Variants in ITIH6 observed in about 807,000 individuals in gnomAD.
ITIH6 encodes inter-alpha-trypsin inhibitor heavy chain H6.
Under a neutral mutation model 58.2 loss-of-function variants are expected in ITIH6, and 60 were observed. The observed-to-expected ratio is 1.03, with a 90% CI of 0.84 to 1.28. The LOEUF is 1.28. ITIH6 is among the 50% of genes most tolerant of loss of function. The probability of loss-of-function intolerance (pLI) is 0.00; values close to 1 mark genes in which losing one functional copy is unlikely to be tolerated. For synonymous variants in ITIH6, 493 were observed against 417.4 expected (o/e 1.18, Z -2.21); for missense variants, 1,290 against 1,021.1 (o/e 1.26, Z -3.59).
Position 54,774,094 on chromosome X carries a change from G to A in ITIH6, c.890C>T (p.Thr297Ile), listed in dbSNP as rs1485202293. The change falls in exon 6 of 13, where the codon ACC (threonine) becomes ATC (isoleucine). Residue 297 changes from threonine (T) to isoleucine (I), a missense_variant. Coordinates refer to ENST00000218436, the MANE Select transcript of ITIH6 (RefSeq NM_198510.3). ...GATCCTTGTTACCTGTTCCATCTTG[G>A]TACCAAACATGGAGCTGCTTACGTC... ...VIDVSSSMFGTKMEQTKTAMN... is the reference protein window; with the variant it reads ...VIDVSSSMFGIKMEQTKTAMN... 8.6e-7 allele frequency: 1 copy of A among 1,165,000 alleles called. No individual in the cohort carries two copies. The highest frequency in any genetic ancestry group is 1.2e-6 in the Non-Finnish European group (1 of 863,483).
Position 54,756,911 on chromosome X carries a change from A to G in ITIH6, c.3109+54T>C, listed in dbSNP as rs192455759. Reference sequence around the variant, plus strand: ...GCCTTGTAGATTCCCAGCTCCTGGTACTGTCCATTCATACCTCACCCTCAT... The same window carrying G: ...GCCTTGTAGATTCCCAGCTCCTGGTGCTGTCCATTCATACCTCACCCTCAT... On this transcript the variant is annotated intron_variant, in intron 8 of 12. Transcript: ENST00000218436. 17 of 761,308 alleles carry G rather than the reference A, an allele frequency of 2.2e-5. No individual in the cohort carries two copies. In the East Asian group the frequency reaches 4.7e-4, roughly 21 times the overall value. The allele number at this position is 761,308 out of a possible 1,213,427, so 62.7% of individuals were successfully genotyped here. A position where few individuals can be genotyped will look rare whatever the true frequency, so the allele number is the denominator to read the frequency against.
At chrX:54,770,123 G>A (rs1468473802) in intron 6 of ITIH6, among the ~76,000 whole-genome samples, 1 of 112,444 alleles carries the variant, frequency 8.9e-6, no homozygotes. Flanking sequence ...CAATATTCGG[G>A]TGGGAGTGAC....
chrX:54,795,646 C>CT (rs754836808), intron 2 of ITIH6, among the ~76,000 whole-genome samples: 14 of 111,658 alleles, frequency 1.3e-4, no homozygotes, highest in Non-Finnish European at 2.4e-4. Flanking sequence ...GCCTTTATTC[C>CT]TTTTTCCTGG....
rs186777937 is a variant in ITIH6, at chrX:54,785,332, C to G, written c.786+3148G>C. Among the ~76,000 whole-genome samples, 8 of 110,917 alleles carry G rather than the reference C, an allele frequency of 7.2e-5. No individual in the cohort carries two copies. The East Asian group carries it at 2.3e-3, about 31-fold the overall frequency. On this transcript the variant is annotated intron_variant, in intron 5 of 12. Coordinates refer to ENST00000218436, the MANE Select transcript of ITIH6 (RefSeq NM_198510.3). The stretch of plus-strand genomic sequence containing the variant: ...GACAGGGTGACTATAGTCAATAATA[C>G]TTTAATTGTACATTTAAAAATAAGT...
intron 6 of ITIH6, among the ~76,000 whole-genome samples, chrX:54,772,767 A>G (rs778033144): frequency 2.9e-4 from 32 of 111,996 alleles, no homozygotes; most frequent in Admixed American, 8.5e-4. Context: ...TTTAGTTGTC[A>G]GAGGCTAAAA....
rs1928347903 is a variant in ITIH6, at chrX:54,751,140, G to A, written c.3593C>T (p.Thr1198Ile). 1 of 1,208,564 alleles carries A rather than the reference G, an allele frequency of 8.3e-7. No homozygotes were observed. Among genetic ancestry groups the A allele is most frequent in the East Asian group, 3.0e-5 (1 of 33,717 alleles). Residue 1198 changes from threonine (T) to isoleucine (I), a missense_variant, in exon 12 of 13, where the codon ACC becomes ATC. Coordinates refer to ENST00000218436, the MANE Select transcript of ITIH6 (RefSeq NM_198510.3). Reference protein sequence around the residue: ...ELYVAAAARLTLRLGPYLEFL... With the variant: ...ELYVAAAARLILRLGPYLEFL... ...CTCAAGGTAGGGCCCAAGGCGGAGG[G>A]TAAGGCGGGCTGCAGCAGCCACATA...
Position 54,788,593 on chromosome X carries a change from T to C in ITIH6, c.673A>G (p.Ile225Val), listed in dbSNP as rs1929286239. Residue 225 changes from isoleucine (I) to valine (V), a missense_variant, in exon 5 of 13, where the codon ATC becomes GTC. Transcript: ENST00000218436. ...RIERGETCVR[I>V]TYCPTLQDQS... ...TCTTGCAATGTCGGGCAGTAGGTGA[T>C]TCGGACACAGGTCTCTCCCCTCTCG... 8.3e-7 allele frequency: 1 copy of C among 1,209,661 alleles called. No homozygotes were observed. Among genetic ancestry groups the C allele is most frequent in the Admixed American group, 2.2e-5 (1 of 45,982 alleles).
intron 6 of ITIH6, among the ~76,000 whole-genome samples, chrX:54,771,791 C>T (rs1014782808): frequency 9.0e-6 from 1 of 111,391 alleles, no homozygotes; most frequent in African/African-American, 3.3e-5. Flanking sequence ...CAATGAGATA[C>T]CATCTTACAC....
At position 54,757,261 on chromosome X, in the gene ITIH6, C is replaced by A. The variant is rs943785347; in HGVS notation, c.2813G>T (p.Gly938Val). Residue 938 changes from glycine (G) to valine (V), a missense_variant, in exon 8 of 13, where the codon GGA becomes GTA. By Grantham distance (109) the Gly-to-Val change is moderately radical (BLOSUM62 -3). Coordinates refer to ENST00000218436, the MANE Select transcript of ITIH6 (RefSeq NM_198510.3). ...GAGGTCATACTGATGCCAGAACCTT[C>A]CAGGGGGCAGAGTGGGAGTAAAGGG... is the stretch of plus-strand genomic sequence containing the variant. ...PMPFTPTLPPGRFWHQYDLLP... is the reference protein window; with the variant it reads ...PMPFTPTLPPVRFWHQYDLLP... 13 of 1,189,040 alleles carry A rather than the reference C, an allele frequency of 1.1e-5. No homozygotes were observed. The highest frequency in any genetic ancestry group is 1.5e-5 in the Non-Finnish European group (13 of 884,554).
Position 54,755,950 on chromosome X carries a change from A to G in ITIH6, c.3110-841T>C, listed in dbSNP as rs750114851. On this transcript the variant is annotated intron_variant, in intron 8 of 12. Coordinates refer to ENST00000218436, the MANE Select transcript of ITIH6 (RefSeq NM_198510.3). ...GGCTGCTGGGAGAGACTGGCCTGTA[A>G]CAGGACAGGAGAGGAAGCAGGGAAA... is the stretch of plus-strand genomic sequence containing the variant. Among the ~76,000 whole-genome samples, 6 of 111,810 alleles carry G rather than the reference A, an allele frequency of 5.4e-5. No homozygotes were observed. The South Asian group carries it at 2.3e-3, about 43-fold the overall frequency.
intron 5 of ITIH6, among the ~76,000 whole-genome samples, chrX:54,777,043 G>A (rs763227086): frequency 1.8e-5 from 2 of 111,984 alleles, no homozygotes; most frequent in African/African-American, 3.2e-5. Flanking sequence ...TCCAACTTCC[G>A]GGCCTGCCCT....
chrX:54,753,619 G>A (rs1342326657), intron 11 of ITIH6, 32 bp downstream of exon 11: 1 of 1,045,693 alleles, frequency 9.6e-7, no homozygotes, highest in Admixed American at 2.2e-5. Context: ...TCCAGCTTTG[G>A]TGTATGGTGA....
At chrX:54,750,951 T>C in intron 12 of ITIH6, 52 bp downstream of exon 12, 1 of 1,090,024 alleles carries the variant, frequency 9.2e-7, no homozygotes, top group Middle Eastern at 2.7e-4. Context: ...CCTGGCAGGG[T>C]CTTTTTGGTG....
intron 5 of ITIH6, among the ~76,000 whole-genome samples, chrX:54,782,624 T>C (rs182044489): frequency 4.4e-4 from 49 of 110,723 alleles, no homozygotes; most frequent in African/African-American, 1.5e-3. Flanking sequence ...ACATACAACC[T>C]AACCATCACT....
At chrX:54,763,269 A>G (rs952521740) in intron 6 of ITIH6, among the ~76,000 whole-genome samples, 1 of 111,501 alleles carries the variant, frequency 9.0e-6, no homozygotes, top group African/African-American at 3.3e-5. Flanking sequence ...GATAGGTCGT[A>G]TATTCTGGGA....
intron 2 of ITIH6, among the ~76,000 whole-genome samples, chrX:54,794,389 C>G (rs1323897902): frequency 3.6e-5 from 4 of 111,419 alleles, no homozygotes; most frequent in African/African-American, 1.3e-4. Context: ...TGCCTGACTA[C>G]TTGGCCCTTA....
chrX:54,793,519 A>C (rs1348646734), intron 2 of ITIH6, among the ~76,000 whole-genome samples: 1 of 112,059 alleles, frequency 8.9e-6, no homozygotes, highest in Non-Finnish European at 1.9e-5. Flanking sequence ...CACAATCCAC[A>C]TCCAATCCAT....
At chrX:54,770,209 G>A (rs1171900433) in intron 6 of ITIH6, among the ~76,000 whole-genome samples, 1 of 112,755 alleles carries the variant, frequency 8.9e-6, no homozygotes, top group Admixed American at 9.3e-5. Flanking sequence ...CGCTTCCCAG[G>A]TGAGGCAATG....
At chrX:54,786,193 G>A (rs1249327328) in intron 5 of ITIH6, among the ~76,000 whole-genome samples, 1 of 111,623 alleles carries the variant, frequency 9.0e-6, no homozygotes, top group African/African-American at 3.3e-5. Flanking sequence ...TCAATCCTCG[G>A]GTGGCCCCCA....
Sources: allele counts gnomAD v4.1 joint callset (sites outside exome capture counted in the v4.1 genomes callset), GRCh38; gene constraint gnomAD v4.1.1; transcripts MANE v1.5; gene names NCBI Gene and HGNC (gene_info 2026-07-23, HGNC 2026-07-21).